The following FAM53B variants were observed in gnomAD, a reference collection of about 807,000 sequenced individuals.
FAM53B encodes protein FAM53B.
FAM53B carries 12 observed loss-of-function variants against 32.7 expected under a neutral mutation model. That is an observed-to-expected ratio of 0.37 (90% CI 0.24 to 0.59). FAM53B has a LOEUF of 0.59. Ranked by LOEUF, FAM53B falls within the 20% of genes least tolerant of loss-of-function variation. The probability of loss-of-function intolerance (pLI) is 0.72; values close to 1 mark genes in which losing one functional copy is unlikely to be tolerated. For missense variants in FAM53B, 477 were observed against 577.7 expected (o/e 0.83, Z 1.79); for synonymous variants, 234 against 228.7 (o/e 1.02, Z -0.21).
At chr10:124,671,076 CCAGGCTGGGGGACAGAGG>C (rs1280127874) in intron 4 of FAM53B, 1 of 435,672 alleles carries the variant, frequency 2.3e-6, no homozygotes, top group Non-Finnish European at 4.8e-6. Flanking sequence ...CTGAGCAGAG[CCAGGCTGGGGGACAGAGG>C]CAGCCGTACA....
chr10:124,701,713 G>A (rs1441356334), intron 2 of FAM53B, among the ~76,000 whole-genome samples: 5 of 152,210 alleles, frequency 3.3e-5, no homozygotes, highest in Admixed American at 6.5e-5. Context: ...GGGGAAAGGG[G>A]AACTGGACCC....
At chr10:124,679,746 C>T (rs1021204990) in intron 4 of FAM53B, among the ~76,000 whole-genome samples, 2 of 152,268 alleles carry the variant, frequency 1.3e-5, no homozygotes, top group Non-Finnish European at 2.9e-5. Context: ...GCACACCTTC[C>T]CAGATCTGGG....
intron 4 of FAM53B, among the ~76,000 whole-genome samples, chr10:124,633,034 G>C (rs772135823): frequency 6.6e-6 from 1 of 152,136 alleles, no homozygotes; most frequent in Non-Finnish European, 1.5e-5. Context: ...AGACCACCAA[G>C]GGTGCGATCC....
intron 1 of FAM53B, among the ~76,000 whole-genome samples, chr10:124,738,654 C>A (rs572434861): frequency 1.5e-4 from 22 of 151,620 alleles, no homozygotes; most frequent in African/African-American, 4.6e-4. Flanking sequence ...CTGGGGCGTA[C>A]CAAGTTCAGT....
At chr10:124,694,281 C>T (rs776563544) in intron 3 of FAM53B, among the ~76,000 whole-genome samples, 4 of 152,242 alleles carry the variant, frequency 2.6e-5, no homozygotes, top group Non-Finnish European at 4.4e-5. Flanking sequence ...GCAGACACAG[C>T]GTAGTCCCTC....
At chr10:124,630,892 G>C (rs1227992679) in intron 4 of FAM53B, among the ~76,000 whole-genome samples, 1 of 152,260 alleles carries the variant, frequency 6.6e-6, no homozygotes, top group East Asian at 1.9e-4. Context: ...TACAGCAGGG[G>C]ACAGACTTTG....
At chr10:124,660,095 C>T (rs1949619477) in intron 4 of FAM53B, among the ~76,000 whole-genome samples, 1 of 152,228 alleles carries the variant, frequency 6.6e-6, no homozygotes, top group Non-Finnish European at 1.5e-5. Context: ...GCATGAGCCG[C>T]TGTGCCTGGC....
intron 1 of FAM53B, among the ~76,000 whole-genome samples, chr10:124,739,093 AGAG>A (rs1950186900): frequency 6.6e-6 from 1 of 152,056 alleles, no homozygotes; most frequent in Non-Finnish European, 1.5e-5. Flanking sequence ...AGCAGAGGGG[AGAG>A]GAGGGGAAAA....
intron 4 of FAM53B, among the ~76,000 whole-genome samples, chr10:124,640,664 C>T (rs747545785): frequency 6.6e-6 from 1 of 152,156 alleles, no homozygotes; most frequent in Non-Finnish European, 1.5e-5. Flanking sequence ...CCCTGAGCTC[C>T]ATGGGATCGC....
At position 124,623,263 on chromosome 10, in the gene FAM53B, A is replaced by T. The variant is rs139871474; in HGVS notation, c.1248T>A (p.Ile416=). ...SLCSLDGELD[I]EQIEKN ...CCCCTCAGTTCTTCTCTATCTGCTCAATGTCCAACTCGCCGTCCAGGGAGC... is the reference window on the plus strand; with the variant it reads ...CCCCTCAGTTCTTCTCTATCTGCTCTATGTCCAACTCGCCGTCCAGGGAGC... The change falls in exon 5 of 5, where the codon ATT becomes ATA. Residue 416 remains isoleucine (I), a synonymous_variant. Coordinates refer to ENST00000337318, the MANE Select transcript of FAM53B (RefSeq NM_014661.4). 3 of 1,607,368 alleles carry T rather than the reference A, an allele frequency of 1.9e-6. No individual in the cohort carries two copies. Among genetic ancestry groups the T allele is most frequent in the Non-Finnish European group, 2.5e-6 (3 of 1,177,026 alleles).
chr10:124,680,198 A>C (rs1949760488), intron 4 of FAM53B, among the ~76,000 whole-genome samples: 1 of 152,220 alleles, frequency 6.6e-6, no homozygotes, highest in Non-Finnish European at 1.5e-5. Context: ...GCCACAATGG[A>C]AGAAATGGAA....
intron 1 of FAM53B, among the ~76,000 whole-genome samples, chr10:124,732,313 G>A (rs1033384126): frequency 3.3e-5 from 5 of 152,170 alleles, no homozygotes; most frequent in African/African-American, 1.2e-4. Flanking sequence ...GTTCCCCCAG[G>A]TTCCACTATC....
intron 4 of FAM53B, among the ~76,000 whole-genome samples, chr10:124,630,867 C>A (rs1207968678): frequency 6.6e-6 from 1 of 152,230 alleles, no homozygotes; most frequent in African/African-American, 2.4e-5. Flanking sequence ...GTGGTCACCC[C>A]GTTCCAGAAG....
At chr10:124,689,352 G>A (rs1949820400) in intron 3 of FAM53B, among the ~76,000 whole-genome samples, 1 of 152,190 alleles carries the variant, frequency 6.6e-6, no homozygotes, top group Non-Finnish European at 1.5e-5. Context: ...AGAGCCTCTG[G>A]CTCCCTGGAG....
At chr10:124,697,761 G>A (rs954265121) in intron 2 of FAM53B, among the ~76,000 whole-genome samples, 2 of 152,074 alleles carry the variant, frequency 1.3e-5, no homozygotes, top group African/African-American at 4.8e-5. Context: ...AAGGGGAACG[G>A]GGCAGTCCTC....
intron 4 of FAM53B, among the ~76,000 whole-genome samples, chr10:124,627,912 TACAG>T (rs67257300): frequency 0.32 from 47,904 of 151,928 alleles, 8,348 homozygotes; most frequent in Non-Finnish European, 0.4. Context: ...TCCACGGGGA[TACAG>T]ACAAAGGTGG....
chr10:124,690,254 T>C (rs556479375), intron 3 of FAM53B, among the ~76,000 whole-genome samples: 12 of 152,306 alleles, frequency 7.9e-5, no homozygotes, highest in Admixed American at 6.5e-5. Context: ...TGAATGTGCA[T>C]CCCAAGCACG....
chr10:124,670,232 C>T (rs1223644263), intron 4 of FAM53B, among the ~76,000 whole-genome samples: 1 of 152,210 alleles, frequency 6.6e-6, no homozygotes, highest in Non-Finnish European at 1.5e-5. Flanking sequence ...GACACTGGGG[C>T]CCTGCCTAAG....
At chr10:124,673,936 G>A (rs918385786) in intron 4 of FAM53B, among the ~76,000 whole-genome samples, 1 of 152,226 alleles carries the variant, frequency 6.6e-6, no homozygotes, top group Admixed American at 6.5e-5. Context: ...CCAAGGCTCA[G>A]AGAAGCAGGG....
Sources: gnomAD v4.1 joint callset for allele counts (sites outside exome capture counted in the v4.1 genomes callset) on GRCh38, gnomAD v4.1.1 for gene constraint, MANE v1.5 for transcripts, NCBI Gene and HGNC (gene_info 2026-07-23, HGNC 2026-07-21) for gene names.